The following ZSCAN10 variants were observed in gnomAD, a reference collection of about 807,000 sequenced individuals.
ZSCAN10 encodes zinc finger and SCAN domain containing 10.
ZSCAN10 carries 52 observed loss-of-function variants against 63.7 expected under a neutral mutation model. That is an observed-to-expected ratio of 0.82 (90% confidence interval 0.65 to 1.03). The LOEUF is 1.03. Ranked by LOEUF, ZSCAN10 falls within the 50% of genes least tolerant of loss-of-function variation. The pLI is 0.00. For missense variants in ZSCAN10, 1,223 were observed against 1,103.8 expected (o/e 1.11, Z -1.53); for synonymous variants, 544 against 479.6 (o/e 1.13, Z -1.76).
At position 3,090,275 on chromosome 16, in the gene ZSCAN10, G is replaced by C; in HGVS notation, c.1159C>G (p.Arg387Gly). The change falls in exon 6 of 6, where the codon CGC (arginine) becomes GGC (glycine). Residue 387 changes from arginine to glycine, a missense_variant. Physicochemically the swap from Arg to Gly is moderately radical, Grantham distance 125 (BLOSUM62 -2). Coordinates refer to ENST00000576985, the MANE Select transcript of ZSCAN10 (RefSeq NM_032805.3). ...LCLCCGKSFGRSSILKLHMRT... is the reference protein window; with the variant it reads ...LCLCCGKSFGGSSILKLHMRT... ...ATGTGCAGCTTGAGAATGGAGCTGC[G>C]GCCGAAGCTCTTCCCGCAGCAAAGG... The C allele has an allele frequency of 6.2e-7, 1 of 1,608,804 alleles. No homozygotes were observed. Among genetic ancestry groups the C allele is most frequent in the Non-Finnish European group, 8.5e-7 (1 of 1,179,286 alleles).
At position 3,092,524 on chromosome 16, in the gene ZSCAN10, G is replaced by A. The variant is rs367618700; in HGVS notation, c.396+18C>T. 12 of 1,488,154 alleles carry A rather than the reference G, an allele frequency of 8.1e-6. No homozygotes were observed. Among genetic ancestry groups the A allele is most frequent in the African/African-American group, 7.0e-5 (5 of 71,636 alleles). The allele number at this position is 1,488,154 out of a possible 1,614,324, so 92.2% of individuals were successfully genotyped here. On this transcript the variant is annotated intron_variant, in intron 2 of 5. Coordinates refer to ENST00000576985, the MANE Select transcript of ZSCAN10 (RefSeq NM_032805.3). Reference sequence around the variant, plus strand: ...CCATCATCCGCATGCTGCTCAGCCCGCTGCCCCACCCTCTCACCAGCGGCC... The same window carrying A: ...CCATCATCCGCATGCTGCTCAGCCCACTGCCCCACCCTCTCACCAGCGGCC...
At chr16:3,094,384 T>C (rs1207706587) in intron 1 of ZSCAN10, among the ~76,000 whole-genome samples, 1 of 152,200 alleles carries the variant, frequency 6.6e-6, no homozygotes, top group African/African-American at 2.4e-5. Context: ...TCACTCTTGT[T>C]GCCCAGGATG....
Position 3,092,040 on chromosome 16 carries a change from G to T in ZSCAN10, c.664+9C>A. On this transcript the variant is annotated intron_variant, in intron 3 of 5. Transcript: ENST00000576985. ...CAGTCCTTGGCCTCCTAGGGCACAA[G>T]CTCCTCACTGCTTTCTTGCAGGGCC... 2 of 1,552,090 alleles carry T rather than the reference G, an allele frequency of 1.3e-6. No individual in the cohort carries two copies.
chr16:3,098,439 C>G (rs962882198), intron 1 of ZSCAN10, among the ~76,000 whole-genome samples: 1 of 152,128 alleles, frequency 6.6e-6, no homozygotes, highest in Non-Finnish European at 1.5e-5. Context: ...CTGCTCTGTG[C>G]CATTTTCCTA....
Position 3,088,932 on chromosome 16 carries a change from G to A in ZSCAN10, c.*159C>T. 7.5e-7 allele frequency: 1 copy of A among 1,326,376 alleles called. No individual in the cohort carries two copies. The highest frequency in any genetic ancestry group is 9.7e-7 in the Non-Finnish European group (1 of 1,031,520). The allele number at this position is 1,326,376 out of a possible 1,614,324, so 82.2% of individuals were successfully genotyped here. A position where few individuals can be genotyped will look rare whatever the true frequency, so the allele number is the denominator to read the frequency against. ...TTACTTCGGGCGTTTTAATTACATA[G>A]CTGAGGCCAGAAAGCAATGCCTCGG... On this transcript the variant is annotated 3_prime_UTR_variant, in exon 6 of 6. Transcript: ENST00000576985.
chr16:3,096,719 G>A (rs1957156597), intron 1 of ZSCAN10, among the ~76,000 whole-genome samples: 1 of 152,126 alleles, frequency 6.6e-6, no homozygotes, highest in Non-Finnish European at 1.5e-5. Context: ...CCTGAGGTCA[G>A]GAGTTCGAGA....
At position 3,094,587 on chromosome 16, in the gene ZSCAN10, CG is replaced by C. The variant is rs1957131564; in HGVS notation, c.-67-1584del. 2.0e-5 allele frequency among the ~76,000 whole-genome samples: 3 copies of C among 152,264 alleles called. No individual in the cohort carries two copies. The South Asian group carries it at 6.2e-4, about 32-fold the overall frequency. ...CTCAAACTCTTAACCTCAGGTGATCCGCCCGCTTCGGTCTCCCAAAGTACTG... is the reference window on the plus strand; with the variant it reads ...CTCAAACTCTTAACCTCAGGTGATCCCCCGCTTCGGTCTCCCAAAGTACTG... On this transcript the variant is annotated intron_variant, in intron 1 of 5. Transcript: ENST00000576985.
intron 1 of ZSCAN10, among the ~76,000 whole-genome samples, chr16:3,094,531 G>C (rs1957130717): frequency 6.6e-6 from 1 of 151,972 alleles, no homozygotes; most frequent in African/African-American, 2.4e-5. Flanking sequence ...TTTTAGTAGA[G>C]ATGGGGTTTC....
At position 3,090,960 on chromosome 16, in the gene ZSCAN10, C is replaced by T. The variant is rs187083434; in HGVS notation, c.788-314G>A. Among the ~76,000 whole-genome samples the T allele has an allele frequency of 7.9e-5, 12 of 151,670 alleles. No homozygotes were observed. In the East Asian group the frequency reaches 1.4e-3, roughly 17 times the overall value. ...TGGCGCATGCCTGTGGTCCCAGCTA[C>T]TCGGGAGGCTGAGGCAGGAGAATCG... On this transcript the variant is annotated intron_variant, in intron 5 of 5. Transcript: ENST00000576985.
At position 3,089,385 on chromosome 16, in the gene ZSCAN10, G is replaced by A. The variant is rs1266095113; in HGVS notation, c.2049C>T (p.Ser683=). The change falls in exon 6 of 6, where the codon AGC becomes AGT. Residue 683 remains serine (S), a synonymous_variant. Transcript: ENST00000576985. ...NSSNLARHRR[S]HTGERPYSCQ... ...AGCTGTAGGGCCGCTCGCCCGTGTG[G>A]CTGCGGCGATGGCGGGCCAGGTTGG... 1.3e-6 allele frequency: 2 copies of A among 1,585,754 alleles called. No individual in the cohort carries two copies. The highest frequency in any genetic ancestry group is 1.1e-5 in the South Asian group (1 of 89,378).
At position 3,089,947 on chromosome 16, in the gene ZSCAN10, C is replaced by A; in HGVS notation, c.1487G>T (p.Arg496Leu). The stretch of plus-strand genomic sequence containing the variant: ...GCGGTCCTTGTCCCTGGCGTGGATC[C>A]GCAGGTGGCGCTTGAGGCTGGAGCG... ...QRRSSLKRHL[R>L]IHARDKDRRS... Residue 496 changes from arginine to leucine, a missense_variant, in exon 6 of 6, where the codon CGG (arginine) becomes CTG (leucine). By Grantham distance (102) the Arg-to-Leu change is moderately radical (BLOSUM62 -2). Coordinates refer to ENST00000576985, the MANE Select transcript of ZSCAN10 (RefSeq NM_032805.3). 1 of 1,540,934 alleles carries A rather than the reference C, an allele frequency of 6.5e-7. No homozygotes were observed. The highest frequency in any genetic ancestry group is 1.2e-5 in the South Asian group (1 of 84,568).
rs1957129587 is a variant in ZSCAN10, at chr16:3,094,455, C to T, written c.-67-1451G>A. Among the ~76,000 whole-genome samples the T allele has an allele frequency of 2.0e-5, 3 of 152,216 alleles. 1 individual carries two copies. The highest frequency in any genetic ancestry group is 1.5e-5 in the Non-Finnish European group (1 of 68,032). ...CCGCCTCGCGGGTTCCGGTGATTCT[C>T]GTCCGTCAGCTTCGTGAGTAGCTGG... On this transcript the variant is annotated intron_variant, in intron 1 of 5. Coordinates refer to ENST00000576985, the MANE Select transcript of ZSCAN10 (RefSeq NM_032805.3).
intron 1 of ZSCAN10, among the ~76,000 whole-genome samples, chr16:3,097,591 C>G (rs1218125875): frequency 6.6e-6 from 1 of 152,164 alleles, no homozygotes; most frequent in African/African-American, 2.4e-5. Context: ...TAACCACCCC[C>G]GAGCCGGAAC....
chr16:3,094,550 G>A (rs1438821067), intron 1 of ZSCAN10, among the ~76,000 whole-genome samples: 3 of 152,154 alleles, frequency 2.0e-5, no homozygotes, highest in Non-Finnish European at 4.4e-5. Context: ...TCACCATGTT[G>A]GCCAGGCTGC....
Position 3,090,004 on chromosome 16 carries a change from A to G in ZSCAN10, c.1430T>C (p.Leu477Pro). ...GAAGCTCTGGCCGCAGTGGGAGCAC[A>G]GGACATCGGTCAGTGGCGGCGCTTC... is the stretch of plus-strand genomic sequence containing the variant. Reference protein sequence around the residue: ...KAEAPPLTDVLCSHCGQSFQR... With the variant: ...KAEAPPLTDVPCSHCGQSFQR... The change falls in exon 6 of 6, where the codon CTG becomes CCG. Residue 477 changes from leucine to proline, a missense_variant. Transcript: ENST00000576985. 6.4e-7 allele frequency: 1 copy of G among 1,565,722 alleles called. No homozygotes were observed. Among genetic ancestry groups the G allele is most frequent in the South Asian group, 1.1e-5 (1 of 87,290 alleles).
chr16:3,097,040 T>C (rs527622722), intron 1 of ZSCAN10, among the ~76,000 whole-genome samples: 1 of 151,020 alleles, frequency 6.6e-6, no homozygotes, highest in Non-Finnish European at 1.5e-5. Context: ...GAGGTTGCAG[T>C]GAGCTGAGAT....
intron 1 of ZSCAN10, among the ~76,000 whole-genome samples, chr16:3,098,042 C>CAAAAAAAA (rs371407228): frequency 2.5e-4 from 11 of 43,872 alleles, no homozygotes; most frequent in Middle Eastern, 0.011. Flanking sequence ...GACCCTGTCT[C>CAAAAAAAA]AAAAAAAAAA....
rs111753004 is a variant in ZSCAN10, at chr16:3,094,142, A to G, written c.-67-1138T>C. Among the ~76,000 whole-genome samples the G allele has an allele frequency of 9.6e-3, 1,455 of 152,166 alleles. 20 individuals are homozygous for G. Among genetic ancestry groups the G allele is most frequent in the South Asian group, 0.029 (138 of 4,820 alleles). The stretch of plus-strand genomic sequence containing the variant: ...ATCCTCCCGCGTCAGCCTCCCGAGT[A>G]GCTGGGACTACAGGTGCATATCACC... On this transcript the variant is annotated intron_variant, in intron 1 of 5. Transcript: ENST00000576985.
intron 1 of ZSCAN10, among the ~76,000 whole-genome samples, chr16:3,098,057 A>G (rs1957176426): frequency 6.6e-6 from 1 of 150,898 alleles, no homozygotes; most frequent in Non-Finnish European, 1.5e-5. Context: ...AAAAAAAAAA[A>G]AAAAAGAAAG....
Sources: gnomAD v4.1 joint callset for allele counts (sites outside exome capture counted in the v4.1 genomes callset) on GRCh38, gnomAD v4.1.1 for gene constraint, MANE v1.5 for transcripts, NCBI Gene and HGNC (gene_info 2026-07-23, HGNC 2026-07-21) for gene names.